Variants in ARFGEF3 observed in about 807,000 individuals in gnomAD.
ARFGEF3 encodes brefeldin A-inhibited guanine nucleotide-exchange protein 3.
Under a neutral mutation model 221.7 loss-of-function variants are expected in ARFGEF3, and 96 were observed. The ratio of observed to expected loss-of-function variants is 0.43; its 90% CI spans 0.37 to 0.51. The LOEUF (loss-of-function observed/expected upper bound fraction) is 0.51, where lower values mean the gene tolerates loss of function less well. ARFGEF3 is among the 20% of genes least tolerant of loss of function. ARFGEF3 has a pLI of 0.00. For missense variants in ARFGEF3, 2,410 were observed against 2,789.9 expected (o/e 0.86, Z 3.07); for synonymous variants, 1,145 against 1,126.8 (o/e 1.02, Z -0.32).
chr6:138,248,478 G>A (rs926222983), intron 8 of ARFGEF3, among the ~76,000 whole-genome samples: 1 of 152,194 alleles, frequency 6.6e-6, no homozygotes, highest in African/African-American at 2.4e-5. Context: ...TACTTCACAA[G>A]CAAGGGAAAA....
intron 2 of ARFGEF3, among the ~76,000 whole-genome samples, chr6:138,172,688 A>G (rs1318971177): frequency 6.6e-6 from 1 of 152,218 alleles, no homozygotes; most frequent in Admixed American, 6.5e-5. Flanking sequence ...TACTGCTTAC[A>G]ACTATAAAGG....
At chr6:138,166,725 C>T (rs1386005375) in intron 1 of ARFGEF3, among the ~76,000 whole-genome samples, 3 of 152,038 alleles carry the variant, frequency 2.0e-5, no homozygotes, top group African/African-American at 7.3e-5. Flanking sequence ...CTGGAAGCAA[C>T]CAAGCCCTAC....
At chr6:138,322,817 AG>A (rs1233933940) in intron 29 of ARFGEF3, among the ~76,000 whole-genome samples, 1 of 146,856 alleles carries the variant, frequency 6.8e-6, no homozygotes, top group East Asian at 2.0e-4. Context: ...AAAAAAAAAA[AG>A]GGATTCTGTC....
chr6:138,278,798 T>A (rs1429778866), intron 13 of ARFGEF3, among the ~76,000 whole-genome samples, 181 bp downstream of exon 13: 1 of 152,140 alleles, frequency 6.6e-6, no homozygotes, highest in Non-Finnish European at 1.5e-5. Context: ...AGGGCACAGA[T>A]ATACAGTTGC....
rs1187066619 is a variant in ARFGEF3, at chr6:138,307,294, G to A, written c.3870G>A (p.Thr1290=). The A allele has an allele frequency of 2.5e-6, 4 of 1,613,990 alleles. No individual in the cohort carries two copies. The highest frequency in any genetic ancestry group is 2.5e-6 in the Non-Finnish European group (3 of 1,179,864). ...SIGELVEVCS[T]QIQSGWRPLF... ...GTGAGCTGGTTGAAGTGTGTTCCAC[G>A]CAGATCCAGTCGGGATGGAGACCCT... Residue 1290 remains threonine, a synonymous_variant, in exon 23 of 34, where the codon ACG becomes ACA. Transcript: ENST00000251691.
At chr6:138,293,559 T>A (rs1779452023) in intron 19 of ARFGEF3, among the ~76,000 whole-genome samples, 1 of 152,242 alleles carries the variant, frequency 6.6e-6, no homozygotes, top group Admixed American at 6.5e-5. Context: ...TGTTTTTGTA[T>A]CTTTTCCAGC....
At chr6:138,265,443 C>A (rs1185831882) in intron 12 of ARFGEF3, among the ~76,000 whole-genome samples, 1 of 151,964 alleles carries the variant, frequency 6.6e-6, no homozygotes, top group African/African-American at 2.4e-5. Context: ...TTAAATATAA[C>A]AAATTTTGGA....
chr6:138,261,477 C>T, intron 10 of ARFGEF3, 50 bp from the exon 11 acceptor site: 1 of 1,161,378 alleles, frequency 8.6e-7, no homozygotes. Flanking sequence ...AAACCTTGTG[C>T]TTTTTTGTGA....
intron 8 of ARFGEF3, among the ~76,000 whole-genome samples, chr6:138,248,846 TA>T (rs752722524): frequency 2.0e-5 from 3 of 151,974 alleles, no homozygotes; most frequent in Non-Finnish European, 4.4e-5. Flanking sequence ...ATAAAATAAA[TA>T]AGTCCCCTAG....
rs1006527623 is a variant in ARFGEF3, at chr6:138,258,992, A to G, written c.1105-2535A>G. Among the ~76,000 whole-genome samples the G allele has an allele frequency of 2.0e-5, 3 of 152,188 alleles. 1 individual carries two copies. On this transcript the variant is annotated intron_variant, in intron 10 of 33. Transcript: ENST00000251691. ...AGTTATGTTTATCTGTTCATCGTAGATGTTCTAGCTTCCCAAGGTCATTTT... is the reference window on the plus strand; with the variant it reads ...AGTTATGTTTATCTGTTCATCGTAGGTGTTCTAGCTTCCCAAGGTCATTTT...
intron 25 of ARFGEF3, among the ~76,000 whole-genome samples, chr6:138,313,537 T>G (rs1272018405): frequency 1.3e-5 from 2 of 152,250 alleles, no homozygotes; most frequent in African/African-American, 4.8e-5. Flanking sequence ...TCATATGTAA[T>G]TAAGATACTG....
chr6:138,334,398 C>T lies in ARFGEF3; in HGVS notation c.5552C>T (p.Ser1851Phe), dbSNP rs1780281931. The change falls in exon 33 of 34, where the codon TCT becomes TTT. Residue 1851 changes from serine to phenylalanine, a missense_variant. Ser to Phe is a radical substitution (Grantham distance 155, BLOSUM62 -2). Transcript: ENST00000251691. The surrounding 1 kb of genome is among the most constrained non-coding windows in gnomAD (Gnocchi z 5.1). Reference sequence around the variant, plus strand: ...GAGGACGACGAGAGAAGCACGGATTCTTCCCAGCAGTGTTCATCTGAGGAT... The same window carrying T: ...GAGGACGACGAGAGAAGCACGGATTTTTCCCAGCAGTGTTCATCTGAGGAT... ...LFEDDERSTD[S>F]SQQCSSEDED... is the part of the protein sequence containing the mutation. 1 of 1,612,784 alleles carries T rather than the reference C, an allele frequency of 6.2e-7. No individual in the cohort carries two copies. The highest frequency in any genetic ancestry group is 1.3e-5 in the African/African-American group (1 of 74,872).
chr6:138,298,628 A>G lies in ARFGEF3; in HGVS notation c.3671A>G (p.His1224Arg), dbSNP rs1345458860. ...LVEAACHKER[H>R]VSQKAVSFIH... ...CAGGCTGCTTGCCATAAGGAAAGAC[A>G]TGTGTCTCAGAAGGCTGTTTCCTTC... Residue 1224 changes from histidine (H) to arginine (R), a missense_variant, in exon 22 of 34, where the codon CAT becomes CGT. By Grantham distance (29) the His-to-Arg change is conservative (BLOSUM62 0). Transcript: ENST00000251691. 1 of 1,613,104 alleles carries G rather than the reference A, an allele frequency of 6.2e-7. No individual in the cohort carries two copies. Among genetic ancestry groups the G allele is most frequent in the Non-Finnish European group, 8.5e-7 (1 of 1,179,578 alleles).
At chr6:138,305,078 A>T (rs1779695631) in intron 22 of ARFGEF3, among the ~76,000 whole-genome samples, 1 of 152,022 alleles carries the variant, frequency 6.6e-6, no homozygotes, top group South Asian at 2.1e-4. Flanking sequence ...TAAATTAAAA[A>T]AAAAAAAAAC....
chr6:138,166,838 G>A (rs1315495509), intron 1 of ARFGEF3, among the ~76,000 whole-genome samples: 2 of 152,100 alleles, frequency 1.3e-5, no homozygotes, highest in African/African-American at 4.8e-5. Context: ...AGGGGAAGAG[G>A]GAACATCTAT....
intron 26 of ARFGEF3, among the ~76,000 whole-genome samples, chr6:138,314,441 A>G (rs1779883602): frequency 6.6e-6 from 1 of 152,176 alleles, no homozygotes; most frequent in African/African-American, 2.4e-5. Flanking sequence ...TCTGGCCCCC[A>G]AAATTGAGGT....
rs115762909 is a variant in ARFGEF3, at chr6:138,174,866, G to A, written c.137+4153G>A. Reference sequence around the variant, plus strand: ...AATATTGTTTTGGTCAGTTGTGTACGTTAGTAGTGGTAGCTTAAATCAGAA... The same window carrying A: ...AATATTGTTTTGGTCAGTTGTGTACATTAGTAGTGGTAGCTTAAATCAGAA... On this transcript the variant is annotated intron_variant, in intron 2 of 33. Transcript: ENST00000251691. 7.1e-3 allele frequency among the ~76,000 whole-genome samples: 1,077 copies of A among 152,142 alleles called. 11 individuals are homozygous for A. Among genetic ancestry groups the A allele is most frequent in the African/African-American group, 0.024 (1,005 of 41,490 alleles).
chr6:138,227,822 C>G (rs754499707), intron 4 of ARFGEF3, among the ~76,000 whole-genome samples: 1 of 152,144 alleles, frequency 6.6e-6, no homozygotes, highest in Admixed American at 6.5e-5. Context: ...AGATGTGATA[C>G]TGAGTACTTT....
intron 33 of ARFGEF3, 28 bp from the exon 34 acceptor site, chr6:138,336,267 A>G: frequency 6.8e-7 from 1 of 1,467,416 alleles, no homozygotes; most frequent in Non-Finnish European, 9.1e-7. Flanking sequence ...GGGGAAAGCC[A>G]CTGATTTTCT....
Sources: allele counts gnomAD v4.1 joint callset (sites outside exome capture counted in the v4.1 genomes callset), GRCh38; gene constraint gnomAD v4.1.1; non-coding constraint Gnocchi (gnomAD v3.1); transcripts MANE v1.5; gene names NCBI Gene and HGNC (gene_info 2026-07-23, HGNC 2026-07-21).